The following ACHE variants were observed in gnomAD, a reference collection of about 807,000 sequenced individuals.
ACHE encodes acetylcholinesterase.
A neutral mutation model predicts 53.9 loss-of-function variants in ACHE; 19 were observed. The observed-to-expected ratio is 0.35, with a 90% CI of 0.25 to 0.52. ACHE has a LOEUF of 0.52. ACHE is among the 20% of genes least tolerant of loss of function. The pLI is 0.95. For synonymous variants in ACHE, 392 were observed against 378.1 expected (o/e 1.04, Z -0.43); for missense variants, 605 against 849.4 (o/e 0.71, Z 3.58).
At position 100,893,836 on chromosome 7, in the gene ACHE, A is replaced by C; in HGVS notation, c.397T>G (p.Trp133Gly). The C allele has an allele frequency of 6.2e-7, 1 of 1,612,294 alleles. No homozygotes were observed. Among genetic ancestry groups the C allele is most frequent in the Non-Finnish European group, 8.5e-7 (1 of 1,179,226 alleles). The change falls in exon 2 of 5, where the codon TGG becomes GGG. Residue 133 changes from tryptophan to glycine, a missense_variant. Around this residue, in one of 4 missense-constraint regions of ACHE, gnomAD observed 397 missense variants for 632.5 expected, o/e 0.63. Coordinates refer to ENST00000241069, the MANE Select transcript of ACHE (RefSeq NM_000665.5). ...GATGTAGGCCGGGGGTATGGTGTCC[A>C]CACGTTGAGGTACAGGCAGTCCTCG... ...LSEDCLYLNVWTPYPRPTSPT... is the reference protein window; with the variant it reads ...LSEDCLYLNVGTPYPRPTSPT...
At chr7:100,894,380 A>G in intron 1 of ACHE, 128 bp from the exon 2 acceptor site, 1 of 503,814 alleles carries the variant, frequency 2.0e-6, no homozygotes, top group Non-Finnish European at 3.3e-6. Context: ...GGCAAAGATG[A>G]GGGGAGAGAG....
At chr7:100,890,792 G>C in intron 4 of ACHE, 1 of 1,358,140 alleles carries the variant, frequency 7.4e-7, no homozygotes, top group Non-Finnish European at 9.5e-7. Context: ...GGGTCCCTGA[G>C]AAGGGTGGGA....
chr7:100,895,598 C>T (rs1339874583), intron 1 of ACHE, among the ~76,000 whole-genome samples: 3 of 152,158 alleles, frequency 2.0e-5, no homozygotes, highest in Non-Finnish European at 4.4e-5. Context: ...GCCGTTCCCG[C>T]GGGCTCGGGC....
At chr7:100,891,019 AG>A (rs773428301) in intron 4 of ACHE, 149 bp downstream of exon 4, 1 of 1,455,808 alleles carries the variant, frequency 6.9e-7, no homozygotes, top group Non-Finnish European at 9.1e-7. Flanking sequence ...GAGGAGGGGC[AG>A]GGGGAGGCCG....
In ACHE at chr7:100,893,602, G is replaced by T; in HGVS notation, c.631C>A (p.Leu211Met). 6.2e-7 allele frequency: 1 copy of T among 1,612,794 alleles called. No homozygotes were observed. ...NVGLLDQRLA[L>M]QWVQENVAAF... ...GCCACGTTCTCCTGCACCCACTGCA[G>T]GGCCAGCCTCTGATCCAGGAGACCC... is the stretch of plus-strand genomic sequence containing the variant. Residue 211 changes from leucine to methionine, a missense_variant, in exon 2 of 5, where the codon CTG (leucine) becomes ATG (methionine). Around this residue, in one of 4 missense-constraint regions of ACHE, gnomAD observed 397 missense variants for 632.5 expected, o/e 0.63. Coordinates refer to ENST00000241069, the MANE Select transcript of ACHE (RefSeq NM_000665.5).
intron 2 of ACHE, among the ~76,000 whole-genome samples, 155 bp downstream of exon 2, chr7:100,893,010 C>G (rs1264308971): frequency 6.6e-6 from 1 of 152,024 alleles, no homozygotes. Context: ...TCCTGTCTGC[C>G]CTGCTGACCA....
Position 100,891,402 on chromosome 7 carries a change from G to A in ACHE, c.1554-64C>T, listed in dbSNP as rs1234426959. ...GGGAGGAGGTGGCCCCCAACTCCAC[G>A]GGATCCCGGACTCTTCAGCTCAGCG... On this transcript the variant is annotated intron_variant, in intron 3 of 4. Transcript: ENST00000241069. 6.2e-6 allele frequency: 9 copies of A among 1,461,354 alleles called. No homozygotes were observed. The East Asian group carries it at 1.4e-4, about 23-fold the overall frequency. 90.5% of individuals were successfully genotyped at this position (1,461,354 alleles called of 1,614,324 possible).
chr7:100,894,991 G>T (rs2116025509), intron 1 of ACHE, among the ~76,000 whole-genome samples: 1 of 152,258 alleles, frequency 6.6e-6, no homozygotes, highest in Admixed American at 6.5e-5. Context: ...AGAAAAGGTC[G>T]GCGCTCCCCG....
chr7:100,890,552 A>G, intron 4 of ACHE: 1 of 1,401,070 alleles, frequency 7.1e-7, no homozygotes, highest in Non-Finnish European at 9.3e-7. Context: ...GGACAGCAGG[A>G]AGGAGAGAGG....
chr7:100,891,747 A>G (rs1790714039), intron 3 of ACHE, among the ~76,000 whole-genome samples: 1 of 145,798 alleles, frequency 6.9e-6, no homozygotes, highest in African/African-American at 2.5e-5. Context: ...CACTGGTTTG[A>G]CTTAATCCAG....
upstream of ACHE, chr7:100,896,129 T>TAGACACCCACGTGAC (rs1173414393): frequency 6.7e-6 from 1 of 149,782 alleles, no homozygotes. Flanking sequence ...AGCGGCGGAG[T>TAGACACCCACGTGAC]AGACACCCAC....
At chr7:100,890,527 G>A (rs893076870) in intron 4 of ACHE, 192 bp from the exon 5 acceptor site, 6 of 1,425,726 alleles carry the variant, frequency 4.2e-6, no homozygotes, top group Middle Eastern at 2.6e-4. Flanking sequence ...TGAGGGCAGA[G>A]GCGGGGCCGG....
chr7:100,893,261 G>C lies in ACHE; in HGVS notation c.972C>G (p.Ser324Arg). ...NHEWHVLPQE[S>R]VFRFSFVPVV... The stretch of plus-strand genomic sequence containing the variant: ...CAGGCACGAAGGAGAACCGGAAGAC[G>C]CTTTCTTGAGGCAGCACGTGCCATT... The change falls in exon 2 of 5, where the codon AGC becomes AGG. Residue 324 changes from serine (S) to arginine (R), a missense_variant. Around this residue, in one of 4 missense-constraint regions of ACHE, gnomAD observed 397 missense variants for 632.5 expected, o/e 0.63. Coordinates refer to ENST00000241069, the MANE Select transcript of ACHE (RefSeq NM_000665.5). The C allele has an allele frequency of 6.2e-7, 1 of 1,614,100 alleles. No individual in the cohort carries two copies. Among genetic ancestry groups the C allele is most frequent in the Non-Finnish European group, 8.5e-7 (1 of 1,180,024 alleles).
intron 4 of ACHE, chr7:100,890,861 G>A: frequency 6.9e-7 from 1 of 1,446,082 alleles, no homozygotes. Flanking sequence ...AGGAGGAAGG[G>A]AGCACTAGGT....
chr7:100,894,251 G>C lies in ACHE; in HGVS notation c.-19C>G, dbSNP rs753420245. 3.5e-6 allele frequency: 5 copies of C among 1,423,346 alleles called. No individual in the cohort carries two copies. Among genetic ancestry groups the C allele is most frequent in the Non-Finnish European group, 4.6e-6 (5 of 1,092,514 alleles). The allele number at this position is 1,423,346 out of a possible 1,614,324, so 88.2% of individuals were successfully genotyped here. On this transcript the variant is annotated splice_region_variant and 5_prime_UTR_variant, in exon 2 of 5. Transcript: ENST00000241069. ...GCCTCATGGCTGCAGGGCAGGCGGC[G>C]TCTGCTGGGAGAAAGAAAGGGAAAG... is the stretch of plus-strand genomic sequence containing the variant.
In ACHE at chr7:100,894,037, T is replaced by C; in HGVS notation, c.196A>G (p.Ile66Val). The C allele has an allele frequency of 6.2e-7, 1 of 1,600,554 alleles. No individual in the cohort carries two copies. Among genetic ancestry groups the C allele is most frequent in the Non-Finnish European group, 8.5e-7 (1 of 1,174,008 alleles). Residue 66 changes from isoleucine (I) to valine (V), a missense_variant, in exon 2 of 5, where the codon ATC becomes GTC. Ile to Val is a conservative substitution (Grantham distance 29). Transcript: ENST00000241069. The part of the protein sequence containing the change: ...PGGPVSAFLG[I>V]PFAEPPMGPR... ...CCCATGGGTGGCTCCGCAAAGGGGA[T>C]GCCCAGGAAAGCAGAGACAGGGCCC... is the stretch of plus-strand genomic sequence containing the variant.
At chr7:100,895,614 C>G (rs970697076) in intron 1 of ACHE, among the ~76,000 whole-genome samples, 188 bp downstream of exon 1, 1 of 152,154 alleles carries the variant, frequency 6.6e-6, no homozygotes, top group Non-Finnish European at 1.5e-5. Flanking sequence ...CGGGCTCCTG[C>G]GTGGGCGTCG....
chr7:100,894,931 C>T (rs1790954484), intron 1 of ACHE, among the ~76,000 whole-genome samples: 1 of 152,178 alleles, frequency 6.6e-6, no homozygotes. Flanking sequence ...GCCCCCCATC[C>T]GTCTGAAGCT....
Position 100,890,849 on chromosome 7 carries a change from T to G in ACHE, c.1723+320A>C, listed in dbSNP as rs564034472. Reference sequence around the variant, plus strand: ...CCTGTCCAGTGTGAGTCTCTCGGTTTGAGGAGGAAGGGAGCACTAGGTCTG... The same window carrying G: ...CCTGTCCAGTGTGAGTCTCTCGGTTGGAGGAGGAAGGGAGCACTAGGTCTG... On this transcript the variant is annotated intron_variant, in intron 4 of 4. Transcript: ENST00000241069. 11 of 1,431,206 alleles carry G rather than the reference T, an allele frequency of 7.7e-6. No individual in the cohort carries two copies. The South Asian group carries it at 1.7e-4, about 22-fold the overall frequency. The allele number at this position is 1,431,206 out of a possible 1,614,324, so 88.7% of individuals were successfully genotyped here.
Sources: allele counts gnomAD v4.1 joint callset (sites outside exome capture counted in the v4.1 genomes callset), GRCh38; gene constraint gnomAD v4.1.1; regional missense constraint gnomAD v4.1.1; transcripts MANE v1.5; gene names NCBI Gene and HGNC (gene_info 2026-07-23, HGNC 2026-07-21).